The following SNX14 variants were observed in gnomAD, a reference collection of about 807,000 sequenced individuals.
SNX14 encodes the protein sorting nexin 14, also known as sorting nexin-14.
Under a neutral mutation model 133.8 loss-of-function variants are expected in SNX14, and 93 were observed. That is an observed-to-expected ratio of 0.70 (90% CI 0.59 to 0.83). The LOEUF is 0.83. SNX14 is among the 40% of genes least tolerant of loss of function. The pLI is 0.00. For synonymous variants in SNX14, 368 were observed against 365.6 expected (o/e 1.01, Z -0.07); for missense variants, 945 against 1,094.9 (o/e 0.86, Z 1.93).
intron 8 of SNX14, among the ~76,000 whole-genome samples, chr6:85,548,793 C>G (rs1407544214): frequency 6.6e-6 from 1 of 151,470 alleles, no homozygotes; most frequent in Non-Finnish European, 1.5e-5. Context: ...ATGATGAAAC[C>G]CCGTCTCTAC....
intron 1 of SNX14, among the ~76,000 whole-genome samples, chr6:85,583,302 T>A (rs1352850206): frequency 6.6e-6 from 1 of 152,194 alleles, no homozygotes; most frequent in Non-Finnish European, 1.5e-5. Flanking sequence ...GCCATTATCA[T>A]ACTGAATGGG....
chr6:85,557,719 A>G (rs1790213043), intron 7 of SNX14, among the ~76,000 whole-genome samples: 1 of 152,218 alleles, frequency 6.6e-6, no homozygotes, highest in Admixed American at 6.5e-5. Flanking sequence ...GAAATGAAAG[A>G]TACTTCAGAG....
At chr6:85,509,632 A>G (rs1772071135) in intron 26 of SNX14, among the ~76,000 whole-genome samples, 1 of 152,190 alleles carries the variant, frequency 6.6e-6, no homozygotes, top group African/African-American at 2.4e-5. Flanking sequence ...ATCCCCAACA[A>G]GAGTGTACAT....
intron 1 of SNX14, among the ~76,000 whole-genome samples, chr6:85,582,366 T>G (rs1190005413): frequency 2.6e-5 from 4 of 152,112 alleles, no homozygotes; most frequent in Non-Finnish European, 5.9e-5. Flanking sequence ...TTAAAGGTAG[T>G]TCTTCAATCT....
At chr6:85,515,517 G>T (rs1357798774) in intron 23 of SNX14, among the ~76,000 whole-genome samples, 1 of 151,938 alleles carries the variant, frequency 6.6e-6, no homozygotes, top group Non-Finnish European at 1.5e-5. Context: ...GAGAAAGAGG[G>T]GAGGGGAGAG....
intron 7 of SNX14, among the ~76,000 whole-genome samples, chr6:85,552,712 G>C (rs1788256077): frequency 1.3e-5 from 2 of 152,302 alleles, no homozygotes; most frequent in African/African-American, 4.8e-5. Context: ...ACCCCCATTA[G>C]ATAGAAAATG....
At chr6:85,544,686 G>C (rs1355673164) in intron 12 of SNX14, among the ~76,000 whole-genome samples, 2 of 152,180 alleles carry the variant, frequency 1.3e-5, no homozygotes, top group African/African-American at 4.8e-5. Context: ...CAGCTACTTC[G>C]GAGGCTGAGG....
chr6:85,589,225 C>CTTTTTTT (rs34164476), intron 1 of SNX14: 2 of 130,996 alleles, frequency 1.5e-5, no homozygotes, highest in South Asian at 1.8e-4. Context: ...TCTGGCACCA[C>CTTTTTTT]TTTTTTTTTT....
intron 26 of SNX14, among the ~76,000 whole-genome samples, chr6:85,513,464 T>C (rs527500689): frequency 6.6e-6 from 1 of 152,356 alleles, no homozygotes; most frequent in South Asian, 2.1e-4. Flanking sequence ...TTCTGATCTT[T>C]TATCATACAC....
intron 1 of SNX14, among the ~76,000 whole-genome samples, chr6:85,591,019 A>G (rs1410701970): frequency 1.3e-5 from 2 of 152,204 alleles, no homozygotes; most frequent in Non-Finnish European, 2.9e-5. Flanking sequence ...CAGTATCATT[A>G]GTGGTACTTT....
At chr6:85,565,861 T>C (rs1307700573) in intron 5 of SNX14, among the ~76,000 whole-genome samples, 1 of 152,192 alleles carries the variant, frequency 6.6e-6, no homozygotes, top group Non-Finnish European at 1.5e-5. Flanking sequence ...GAAAAAGAAA[T>C]TAAATGAACT....
chr6:85,561,684 A>G (rs1301981065), intron 6 of SNX14, among the ~76,000 whole-genome samples: 1 of 152,200 alleles, frequency 6.6e-6, no homozygotes, highest in Non-Finnish European at 1.5e-5. Flanking sequence ...GCCCACCACC[A>G]CACTAAGAGT....
intron 19 of SNX14, 103 bp downstream of exon 19, chr6:85,530,089 T>A: frequency 1.5e-6 from 1 of 647,038 alleles, no homozygotes; most frequent in Non-Finnish European, 2.6e-6. Context: ...ATGTTGTATT[T>A]CTTGTATTTC....
intron 19 of SNX14, among the ~76,000 whole-genome samples, chr6:85,529,321 A>AG (rs1328918473): frequency 1.3e-5 from 2 of 151,758 alleles, no homozygotes; most frequent in East Asian, 3.9e-4. Context: ...AAGGAAACGA[A>AG]GAAGAAAGGA....
chr6:85,580,985 C>G (rs1798883171), intron 1 of SNX14, among the ~76,000 whole-genome samples: 1 of 152,212 alleles, frequency 6.6e-6, no homozygotes, highest in Non-Finnish European at 1.5e-5. Flanking sequence ...GATTATAGAG[C>G]CCTAACATAG....
chr6:85,552,825 C>A (rs146596462), intron 7 of SNX14, among the ~76,000 whole-genome samples: 15 of 152,230 alleles, frequency 9.9e-5, no homozygotes, highest in Non-Finnish European at 1.8e-4. Flanking sequence ...AGAGTTACAC[C>A]CACAGGCCAA....
Position 85,535,589 on chromosome 6 carries a change from A to G in SNX14, c.1608+1203T>C, listed in dbSNP as rs573433716. On this transcript the variant is annotated intron_variant, in intron 17 of 28. Coordinates refer to ENST00000314673, the MANE Select transcript of SNX14 (RefSeq NM_153816.6). ...CATTGCACTCCAGCCTGGGTGACAG[A>G]GCAAGACTCCGTCTCAAAAAAAAAA... Among the ~76,000 whole-genome samples the G allele has an allele frequency of 1.1e-3, 143 of 132,012 alleles. 2 individuals are homozygous for G. The highest frequency in any genetic ancestry group is 3.9e-4 in the Non-Finnish European group (25 of 64,882). 86.6% of individuals were successfully genotyped at this position (132,012 alleles called of 152,430 possible).
chr6:85,517,917 A>G, intron 22 of SNX14, 42 bp from the exon 23 acceptor site: 3 of 1,577,966 alleles, frequency 1.9e-6, no homozygotes, highest in Middle Eastern at 3.4e-4. Flanking sequence ...AAATAAAGGT[A>G]ATTTTTAGTA....
chr6:85,513,573 G>A (rs555877791), intron 26 of SNX14, among the ~76,000 whole-genome samples: 53 of 152,238 alleles, frequency 3.5e-4, no homozygotes, highest in African/African-American at 1.2e-3. Flanking sequence ...GAATGAATCT[G>A]GCTATTATGT....
Sources: allele counts gnomAD v4.1 joint callset (sites outside exome capture counted in the v4.1 genomes callset), GRCh38; gene constraint gnomAD v4.1.1; transcripts MANE v1.5; gene names NCBI Gene and HGNC (gene_info 2026-07-23, HGNC 2026-07-21).